The following ELAPOR2 variants were observed in gnomAD, a reference collection of about 807,000 sequenced individuals.
The protein encoded by ELAPOR2 is endosome/lysosome-associated apoptosis and autophagy regulator family member 2.
A neutral mutation model predicts 120.7 loss-of-function variants in ELAPOR2; 89 were observed. The ratio of observed to expected loss-of-function variants is 0.74; its 90% confidence interval spans 0.62 to 0.88. The LOEUF (loss-of-function observed/expected upper bound fraction) is 0.88. ELAPOR2 is among the 40% of genes least tolerant of loss of function. The pLI is 0.00. For missense variants in ELAPOR2, 1,134 were observed against 1,251.6 expected, an observed-to-expected ratio of 0.91 and a Z score of 1.42; for synonymous variants, 444 against 444.9, an observed-to-expected ratio of 1.00 and a Z score of 0.03.
chr7:87,019,811 A>G (rs932914972), intron 1 of ELAPOR2, among the ~76,000 whole-genome samples: 2 of 152,172 alleles, frequency 1.3e-5, no homozygotes, highest in African/African-American at 4.8e-5. Context: ...GAAAATAATT[A>G]AGTAGTATTC....
At chr7:86,987,625 T>C (rs1022930620) in intron 1 of ELAPOR2, among the ~76,000 whole-genome samples, 5 of 151,840 alleles carry the variant, frequency 3.3e-5, no homozygotes, top group Admixed American at 6.6e-5. Context: ...ATCAGAGAAA[T>C]GCAAATCAAA....
intron 19 of ELAPOR2, among the ~76,000 whole-genome samples, chr7:86,897,088 ACTT>A (rs1439215381): frequency 6.6e-6 from 1 of 152,110 alleles, no homozygotes; most frequent in African/African-American, 2.4e-5. Flanking sequence ...AACAAAAAAT[ACTT>A]AAGTATGAAT....
At chr7:86,931,404 A>G (rs940372562) in intron 8 of ELAPOR2, among the ~76,000 whole-genome samples, 2 of 151,984 alleles carry the variant, frequency 1.3e-5, no homozygotes, top group African/African-American at 4.8e-5. Context: ...TAAGACAAGT[A>G]GAAAACATCA....
intron 10 of ELAPOR2, among the ~76,000 whole-genome samples, chr7:86,924,862 G>A (rs1789995557): frequency 1.3e-5 from 2 of 151,834 alleles, no homozygotes; most frequent in South Asian, 4.1e-4. Flanking sequence ...ATGCCAGTGA[G>A]GTTATAAGTA....
At position 86,925,647 on chromosome 7, in the gene ELAPOR2, G is replaced by A; in HGVS notation, c.1280C>T (p.Pro427Leu). The change falls in exon 10 of 22, where the codon CCA (proline) becomes CTA (leucine). Residue 427 changes from proline (P) to leucine (L), a missense_variant. By Grantham distance (98) the Pro-to-Leu change is moderately conservative (BLOSUM62 -3). Transcript: ENST00000450689. ...TFSDGTKECRPCPAGTEPALG... is the reference protein window; with the variant it reads ...TFSDGTKECRLCPAGTEPALG... ...TGCAGGCTCCGTTCCTGCTGGACAT[G>A]GTCTACATTCTACAGGAGACAAGTA... 1.2e-6 allele frequency: 2 copies of A among 1,611,392 alleles called. No individual in the cohort carries two copies. The highest frequency in any genetic ancestry group is 1.7e-6 in the Non-Finnish European group (2 of 1,178,276).
At chr7:86,959,344 C>T (rs1791607679) in intron 2 of ELAPOR2, among the ~76,000 whole-genome samples, 1 of 152,072 alleles carries the variant, frequency 6.6e-6, no homozygotes, top group South Asian at 2.1e-4. Context: ...TTGTCTAGGA[C>T]CTTCAGTATT....
chr7:87,034,259 G>C (rs907894199), intron 1 of ELAPOR2, among the ~76,000 whole-genome samples: 1 of 151,944 alleles, frequency 6.6e-6, no homozygotes, highest in Non-Finnish European at 1.5e-5. Flanking sequence ...GAGAAGATGC[G>C]GCGGTTCAAG....
At chr7:86,910,072 G>A in intron 15 of ELAPOR2, 71 bp from the exon 16 acceptor site, 5 of 1,240,558 alleles carry the variant, frequency 4.0e-6, no homozygotes, top group Admixed American at 4.3e-5. Flanking sequence ...TGACTAGCTA[G>A]TGACCCTAGA....
At chr7:86,939,087 A>G (rs893221358) in intron 6 of ELAPOR2, 127 bp from the exon 7 acceptor site, 3 of 918,214 alleles carry the variant, frequency 3.3e-6, no homozygotes, top group Non-Finnish European at 4.9e-6. Context: ...CAAATCTTTT[A>G]TCTTATTCAT....
intron 1 of ELAPOR2, among the ~76,000 whole-genome samples, chr7:86,990,050 A>T (rs534316197): frequency 1.0e-3 from 150 of 150,110 alleles, no homozygotes; most frequent in South Asian, 2.7e-3. Context: ...TTTTTTTTTT[A>T]TTTTTATTTT....
rs546399373 is a variant in ELAPOR2 at position 86,929,219 on chromosome 7, A to G, written c.1090-2303T>C. Among the ~76,000 whole-genome samples the G allele has an allele frequency of 5.5e-4, 84 of 152,122 alleles. 1 individual carries two copies. The highest frequency in any genetic ancestry group is 2.0e-3 in the African/African-American group (84 of 41,528). ...AAAAACAGAACTCAGAACTGGGAGG[A>G]CTACAATTTAGGCAAATTTTGAGAC... On this transcript the variant is annotated intron_variant, in intron 8 of 21. Transcript: ENST00000450689.
At chr7:87,016,113 AAATTCTTAATCTTCAAGACAGAG>A (rs1232744487) in intron 1 of ELAPOR2, among the ~76,000 whole-genome samples, 1 of 152,190 alleles carries the variant, frequency 6.6e-6, no homozygotes, top group Non-Finnish European at 1.5e-5. Context: ...AGCAAACAGA[AAATTCTTAATCTTCAAGACAGAG>A]AAATGGGTCA....
At chr7:86,967,280 C>CTGTTTAGTA (rs1791942545) in intron 1 of ELAPOR2, among the ~76,000 whole-genome samples, 1 of 151,862 alleles carries the variant, frequency 6.6e-6, no homozygotes, top group Admixed American at 6.6e-5. Flanking sequence ...GTCAACATGG[C>CTGTTTAGTA]GAAACCCTGT....
chr7:86,914,040 CT>C (rs1789447274), intron 13 of ELAPOR2, among the ~76,000 whole-genome samples: 1 of 152,098 alleles, frequency 6.6e-6, no homozygotes, highest in African/African-American at 2.4e-5. Flanking sequence ...CACTGAAAGC[CT>C]GAAGAGAAGA....
intron 1 of ELAPOR2, among the ~76,000 whole-genome samples, chr7:87,023,985 T>C (rs1186544437): frequency 6.6e-6 from 1 of 152,200 alleles, no homozygotes; most frequent in Non-Finnish European, 1.5e-5. Context: ...TGGGGTTTTC[T>C]AGATATACAA....
rs750481531 is a variant in ELAPOR2, at chr7:86,913,071, G to A, written c.1865C>T (p.Pro622Leu). 1.2e-6 allele frequency: 2 copies of A among 1,614,080 alleles called. No homozygotes were observed. Among genetic ancestry groups the A allele is most frequent in the Non-Finnish European group, 1.7e-6 (2 of 1,179,996 alleles). ...TTCTTTCTCAATGTAGTGGCCTGGA[G>A]GGCAGGGGACACACGATGAACCCGA... is the stretch of plus-strand genomic sequence containing the variant. ...EQSGSSCVPC[P>L]PGHYIEKETN... Residue 622 changes from proline (P) to leucine (L), a missense_variant, in exon 14 of 22, where the codon CCT becomes CTT. Physicochemically the swap from Pro to Leu is moderately conservative, Grantham distance 98 (BLOSUM62 -3). Coordinates refer to ENST00000450689, the MANE Select transcript of ELAPOR2 (RefSeq NM_001142749.3).
chr7:86,940,458 GTATATT>G (rs1001029676), intron 5 of ELAPOR2, among the ~76,000 whole-genome samples: 21 of 151,962 alleles, frequency 1.4e-4, no homozygotes, highest in African/African-American at 4.8e-4. Context: ...CAGCCCACTT[GTATATT>G]TATAAGTTGC....
intron 4 of ELAPOR2, among the ~76,000 whole-genome samples, chr7:86,944,674 G>A (rs1347186626): frequency 6.6e-6 from 1 of 152,002 alleles, no homozygotes. Context: ...CAAGCCCAAT[G>A]TTATGCTGCA....
At chr7:86,951,422 A>G (rs1464907192) in intron 2 of ELAPOR2, among the ~76,000 whole-genome samples, 1 of 152,254 alleles carries the variant, frequency 6.6e-6, no homozygotes, top group African/African-American at 2.4e-5. Flanking sequence ...GCGTTTGTGA[A>G]TCTTGTCTTC....
Sources: allele counts gnomAD v4.1 joint callset (sites outside exome capture counted in the v4.1 genomes callset), GRCh38; gene constraint gnomAD v4.1.1; transcripts MANE v1.5; gene names NCBI Gene and HGNC (gene_info 2026-07-23, HGNC 2026-07-21).